TAF1: variants seen among roughly 807,000 people sequenced by gnomAD.
TAF1 encodes TATA-box binding protein associated factor 1.
In TAF1, 2 loss-of-function variants were observed where a neutral mutation model predicts 138.5. The observed-to-expected ratio is 0.01, with a 90% CI of 0.01 to 0.05. The LOEUF is 0.05. TAF1 is among the 10% of genes least tolerant of loss of function. The probability of loss-of-function intolerance (pLI) is 1.00; values close to 1 mark genes in which losing one functional copy is unlikely to be tolerated. For synonymous variants in TAF1, 437 were observed against 503.2 expected (o/e 0.87, Z 1.76); for missense variants, 709 against 1,478.0 (o/e 0.48, Z 8.53).
intron 28 of TAF1, among the ~76,000 whole-genome samples, chrX:71,410,271 G>T (rs1465020894): frequency 9.1e-6 from 1 of 109,373 alleles, no homozygotes; most frequent in Non-Finnish European, 1.9e-5. Flanking sequence ...GAACATACAG[G>T]CCCGTAGTGT....
At chrX:71,460,490 C>A in intron 36 of TAF1, 136 bp from the exon 37 acceptor site, 1 of 637,209 alleles carries the variant, frequency 1.6e-6, no homozygotes, top group Non-Finnish European at 2.4e-6. Context: ...TTATAAGAGG[C>A]ATTTGAGGAG....
At chrX:71,466,480 C>G (rs752363278), downstream of TAF1, 1 of 111,985 alleles carries the variant, frequency 8.9e-6, no homozygotes, top group Non-Finnish European at 1.9e-5. Context: ...CGGGTTCAAG[C>G]GATTCTTGTG....
chrX:71,442,002 C>CT (rs1458167637), intron 32 of TAF1, among the ~76,000 whole-genome samples: 1 of 110,942 alleles, frequency 9.0e-6, no homozygotes, highest in Non-Finnish European at 1.9e-5. Context: ...TGAACTCATC[C>CT]TTTTTTATGG....
chrX:71,383,617 T>A (rs2034030633), intron 12 of TAF1, among the ~76,000 whole-genome samples: 1 of 112,067 alleles, frequency 8.9e-6, no homozygotes, highest in African/African-American at 3.2e-5. Context: ...CTAGATTACT[T>A]ATAATACCTA....
At chrX:71,385,516 C>G (rs1453873910) in intron 14 of TAF1, among the ~76,000 whole-genome samples, 1 of 110,503 alleles carries the variant, frequency 9.0e-6, no homozygotes, top group African/African-American at 3.3e-5. Context: ...TAAAGAGGCT[C>G]TCTTATAACA....
intron 32 of TAF1, among the ~76,000 whole-genome samples, chrX:71,444,747 C>CT (rs1298702386): frequency 4.6e-5 from 5 of 107,893 alleles, no homozygotes; most frequent in Admixed American, 1.0e-4. Context: ...ATCTCTCTCT[C>CT]TTTTTTTTTC....
intron 32 of TAF1, 50 bp downstream of exon 32, chrX:71,424,288 C>T (rs373432080): frequency 8.4e-6 from 9 of 1,075,125 alleles, no homozygotes; most frequent in African/African-American, 1.9e-5. Context: ...ATCTTCTATC[C>T]ATCTAACATT....
intron 34 of TAF1, 137 bp from the exon 35 acceptor site, chrX:71,458,104 G>A: frequency 1.2e-6 from 1 of 846,029 alleles, no homozygotes. Context: ...TGTCTGTAAA[G>A]CTGTGTCAAA....
chrX:71,394,372 G>A (rs2034732353), intron 22 of TAF1, 127 bp downstream of exon 22: 3 of 866,046 alleles, frequency 3.5e-6, no homozygotes, highest in Non-Finnish European at 4.7e-6. Flanking sequence ...AGAAAAGTCT[G>A]TGAATGAAGT....
chrX:71,382,427 G>T, intron 9 of TAF1, 109 bp from the exon 10 acceptor site: 1 of 1,058,811 alleles, frequency 9.4e-7, no homozygotes, highest in Non-Finnish European at 1.3e-6. Context: ...GTCTAGTTAA[G>T]ACCTTCACTG....
intron 32 of TAF1, among the ~76,000 whole-genome samples, chrX:71,442,336 T>A (rs1020980544): frequency 8.9e-6 from 1 of 112,329 alleles, no homozygotes; most frequent in Non-Finnish European, 1.9e-5. Flanking sequence ...TGTTGTTTCC[T>A]GACTTCTTAA....
At position 71,464,212 on chromosome X, in the gene TAF1, T is replaced by C. The variant is rs2038669104; in HGVS notation, c.*166T>C. The C allele has an allele frequency of 4.2e-6, 2 of 470,931 alleles. No homozygotes were observed. The highest frequency in any genetic ancestry group is 7.1e-6 in the Non-Finnish European group (2 of 282,520). The allele number at this position is 470,931 out of a possible 1,213,427, so 38.8% of individuals were successfully genotyped here. On this transcript the variant is annotated 3_prime_UTR_variant, in exon 38 of 38. Coordinates refer to ENST00000423759, the MANE Select transcript of TAF1 (RefSeq NM_004606.5). The stretch of plus-strand genomic sequence containing the variant: ...TAAGTAAATGATAATAAATCACCTC[T>C]CCTAATCTTCCTGGGGCAATGTCAC...
intron 13 of TAF1, among the ~76,000 whole-genome samples, chrX:71,479,893 T>A (rs2039042809): frequency 9.0e-6 from 1 of 111,340 alleles, no homozygotes; most frequent in African/African-American, 3.3e-5. Context: ...ATGATAGTAA[T>A]AGCTAAAGGG....
intron 28 of TAF1, among the ~76,000 whole-genome samples, chrX:71,409,013 CA>C (rs774464156): frequency 0.011 from 599 of 55,303 alleles, 1 homozygote; most frequent in African/African-American, 0.02. Flanking sequence ...GACTCCGTCT[CA>C]AAAAAAAAAA....
rs752182729 is a variant in TAF1, at chrX:71,421,294, T to G, written c.4385-15T>G. ...CCCGTTATTAGTGGTTTCATCTCTT[T>G]CTGTTCCTCTACAGGGCCAAAACAC... On this transcript the variant is annotated splice_polypyrimidine_tract_variant and intron_variant, in intron 28 of 37. Coordinates refer to ENST00000423759, the MANE Select transcript of TAF1 (RefSeq NM_004606.5). 1 of 1,204,961 alleles carries G rather than the reference T, an allele frequency of 8.3e-7. No homozygotes were observed. Among genetic ancestry groups the G allele is most frequent in the Admixed American group, 2.2e-5 (1 of 45,783 alleles).
intron 3 of TAF1, among the ~76,000 whole-genome samples, chrX:71,374,727 G>A (rs1263183993): frequency 2.7e-5 from 3 of 111,560 alleles, no homozygotes; most frequent in South Asian, 3.7e-4. Flanking sequence ...GATTACAGGC[G>A]TGAGCCATCA....
chrX:71,398,688 G>A lies in TAF1; in HGVS notation c.3737G>A (p.Gly1246Asp). 1 of 1,210,401 alleles carries A rather than the reference G, an allele frequency of 8.3e-7. No homozygotes were observed. The change falls in exon 24 of 38, where the codon GGT becomes GAT. Residue 1246 changes from glycine to aspartate, a missense_variant. Gly to Asp is a moderately conservative substitution (Grantham distance 94). Around this residue, in one of 14 missense-constraint regions of TAF1, gnomAD observed 21 missense variants for 101.3 expected, o/e 0.21. Coordinates refer to ENST00000423759, the MANE Select transcript of TAF1 (RefSeq NM_004606.5). ...AACCAGGAAAAGGAGAAGCTTAAGG[G>A]TCCTCCTGAGAAGAAGCCCAAGAAA... ...KRNQEKEKLKGPPEKKPKKMK... is the reference protein window; with the variant it reads ...KRNQEKEKLKDPPEKKPKKMK...
At chrX:71,437,728 C>A (rs893124100) in intron 32 of TAF1, among the ~76,000 whole-genome samples, 2 of 109,347 alleles carry the variant, frequency 1.8e-5, no homozygotes, top group Non-Finnish European at 3.8e-5. Context: ...AGAAAAACTT[C>A]CCCCGATCCT....
At chrX:71,452,907 G>A (rs2038090720) in intron 32 of TAF1, among the ~76,000 whole-genome samples, 1 of 112,316 alleles carries the variant, frequency 8.9e-6, no homozygotes, top group Non-Finnish European at 1.9e-5. Context: ...AAAAAAATAC[G>A]AAAACCAGTC....
Sources: gnomAD v4.1 joint callset for allele counts (sites outside exome capture counted in the v4.1 genomes callset) on GRCh38, gnomAD v4.1.1 for gene constraint, gnomAD v4.1.1 regional missense constraint, MANE v1.5 for transcripts, NCBI Gene and HGNC (gene_info 2026-07-23, HGNC 2026-07-21) for gene names.